Variants in MAST2 observed in about 807,000 individuals in gnomAD.
The protein encoded by MAST2 is microtubule associated serine/threonine kinase 2.
MAST2 carries 70 observed loss-of-function variants against 147.4 expected under a neutral mutation model. The ratio of observed to expected loss-of-function variants is 0.47; its 90% confidence interval spans 0.39 to 0.58. MAST2 has a LOEUF of 0.58. MAST2 is among the 20% of genes least tolerant of loss of function. The pLI, the probability that MAST2 is intolerant of heterozygous loss-of-function variation, is 0.00. For synonymous variants in MAST2, 869 were observed against 896.8 expected, an observed-to-expected ratio of 0.97 and a Z score of 0.55; for missense variants, 2,080 against 2,302.3, an observed-to-expected ratio of 0.90 and a Z score of 1.98.
chr1:45,912,329 A>G (rs1651808693), intron 4 of MAST2, among the ~76,000 whole-genome samples: 1 of 152,172 alleles, frequency 6.6e-6, no homozygotes, highest in African/African-American at 2.4e-5. Context: ...GCATTTGTAT[A>G]TTTGTATGTA....
chr1:45,862,769 A>T (rs984230944), intron 3 of MAST2, among the ~76,000 whole-genome samples: 1 of 152,094 alleles, frequency 6.6e-6, no homozygotes, highest in Non-Finnish European at 1.5e-5. Flanking sequence ...CAGGTTGAAG[A>T]TTTTTAAGCT....
At chr1:46,011,655 C>T (rs562124682) in intron 10 of MAST2, among the ~76,000 whole-genome samples, 9 of 152,306 alleles carry the variant, frequency 5.9e-5, no homozygotes, top group Admixed American at 5.9e-4. Flanking sequence ...CCTGTCCCCG[C>T]AGAGCTCATC....
chr1:45,981,055 G>GGTTTTGTTTT (rs544064989), intron 5 of MAST2, among the ~76,000 whole-genome samples: 1 of 152,054 alleles, frequency 6.6e-6, no homozygotes. Context: ...CTGAGGCTAT[G>GGTTTTGTTTT]GTTTTGTTTT....
At chr1:45,995,161 A>G (rs995968713) in intron 5 of MAST2, among the ~76,000 whole-genome samples, 1 of 152,030 alleles carries the variant, frequency 6.6e-6, no homozygotes, top group African/African-American at 2.4e-5. Flanking sequence ...TAATTTAAAT[A>G]TATTGCTCTG....
chr1:45,900,322 G>GTA (rs1416507998), intron 4 of MAST2, among the ~76,000 whole-genome samples: 1 of 151,996 alleles, frequency 6.6e-6, no homozygotes, highest in African/African-American at 2.4e-5. Context: ...CCCACCAACA[G>GTA]TATATAAGCA....
At chr1:45,823,604 G>A (rs967254297) in intron 1 of MAST2, among the ~76,000 whole-genome samples, 7 of 152,114 alleles carry the variant, frequency 4.6e-5, no homozygotes, top group African/African-American at 1.7e-4. Context: ...AAAGTGCTGG[G>A]ATTACAGGTG....
At position 45,958,342 on chromosome 1, in the gene MAST2, C is replaced by A. The variant is rs151175619; in HGVS notation, c.501-1044C>A. 1.3e-5 allele frequency among the ~76,000 whole-genome samples: 2 copies of A among 152,204 alleles called. 1 individual carries two copies. The highest frequency in any genetic ancestry group is 3.9e-4 in the East Asian group (2 of 5,182). On this transcript the variant is annotated intron_variant, in intron 4 of 28. Transcript: ENST00000361297. ...GACTTCTTTGCTATTTCTTGAACAT[C>A]CCAAATTTGTTCTTGTCTCAGTGCC...
chr1:45,805,020 TTC>T (rs1644097692), intron 1 of MAST2, among the ~76,000 whole-genome samples: 1 of 151,978 alleles, frequency 6.6e-6, no homozygotes, highest in South Asian at 2.1e-4. Context: ...CTTACCTCTT[TTC>T]TCTCAGATAA....
intron 8 of MAST2, 45 bp from the exon 9 acceptor site, chr1:46,008,251 A>G (rs758940232): frequency 1.4e-6 from 2 of 1,398,124 alleles, no homozygotes; most frequent in South Asian, 2.3e-5. Context: ...TCTTCTTGAT[A>G]GTTCCATAGC....
At chr1:46,003,707 T>C (rs1293568040) in intron 7 of MAST2, among the ~76,000 whole-genome samples, 1 of 152,156 alleles carries the variant, frequency 6.6e-6, no homozygotes, top group African/African-American at 2.4e-5. Flanking sequence ...GCTCAAGCGA[T>C]CCATCTGCCT....
intron 3 of MAST2, among the ~76,000 whole-genome samples, chr1:45,859,156 G>T (rs562458169): frequency 1.3e-5 from 2 of 152,194 alleles, no homozygotes; most frequent in East Asian, 3.9e-4. Context: ...GAAAGTCATT[G>T]GTATCTCGGC....
chr1:46,030,305 G>A, intron 21 of MAST2, 67 bp downstream of exon 21: 1 of 1,468,016 alleles, frequency 6.8e-7, no homozygotes, highest in Non-Finnish European at 9.4e-7. Flanking sequence ...GCCTGTCAAA[G>A]GGCACACCTG....
intron 5 of MAST2, among the ~76,000 whole-genome samples, chr1:45,975,575 G>T (rs1485115979): frequency 8.6e-5 from 13 of 151,078 alleles, no homozygotes; most frequent in African/African-American, 2.7e-4. Context: ...GGCTGAGGTG[G>T]GAGGGAGGAT....
At chr1:45,964,735 C>T (rs375695025) in intron 5 of MAST2, among the ~76,000 whole-genome samples, 1 of 152,046 alleles carries the variant, frequency 6.6e-6, no homozygotes, top group African/African-American at 2.4e-5. Flanking sequence ...CTGCTCTGAT[C>T]TTAGTTATTT....
At chr1:45,865,884 A>G (rs534252182) in intron 3 of MAST2, among the ~76,000 whole-genome samples, 2 of 152,314 alleles carry the variant, frequency 1.3e-5, no homozygotes, top group South Asian at 4.1e-4. Context: ...CTATCACTAA[A>G]TGTTTTTGAG....
intron 10 of MAST2, among the ~76,000 whole-genome samples, chr1:46,017,714 TTGG>T (rs1646015612): frequency 1.3e-5 from 2 of 152,138 alleles, no homozygotes; most frequent in South Asian, 2.1e-4. Context: ...TTTTATACTG[TTGG>T]TGGGACTGTA....
chr1:46,018,329 C>T (rs2149272631), intron 10 of MAST2, among the ~76,000 whole-genome samples: 1 of 152,322 alleles, frequency 6.6e-6, no homozygotes, highest in Admixed American at 6.5e-5. Flanking sequence ...TACTGTTCTC[C>T]TGAGCTTCAG....
At chr1:45,954,634 C>G (rs1206601434) in intron 4 of MAST2, among the ~76,000 whole-genome samples, 1 of 152,186 alleles carries the variant, frequency 6.6e-6, no homozygotes, top group African/African-American at 2.4e-5. Context: ...TGCCCTTTAT[C>G]TTCTTAGGAT....
chr1:45,817,256 A>G (rs1480116423), intron 1 of MAST2, among the ~76,000 whole-genome samples: 1 of 152,222 alleles, frequency 6.6e-6, no homozygotes, highest in African/African-American at 2.4e-5. Flanking sequence ...GATTTAGCCC[A>G]AAGAAGACTA....
Sources: allele counts gnomAD v4.1 joint callset (sites outside exome capture counted in the v4.1 genomes callset), GRCh38; gene constraint gnomAD v4.1.1; transcripts MANE v1.5; gene names NCBI Gene and HGNC (gene_info 2026-07-23, HGNC 2026-07-21).